Variants in AMDHD2 observed in about 807,000 individuals in gnomAD.
AMDHD2 encodes the protein N-acetylglucosamine-6-phosphate deacetylase.
AMDHD2 carries 24 observed loss-of-function variants against 41.8 expected under a neutral mutation model. That is an observed-to-expected ratio of 0.57 (90% CI 0.42 to 0.81). AMDHD2 has a LOEUF of 0.81. Among genes scored for constraint, AMDHD2 ranks in the 30% least tolerant of loss-of-function variants. The pLI, the probability that AMDHD2 is intolerant of heterozygous loss-of-function variation, is 0.00. For missense variants in AMDHD2, 540 were observed against 588.5 expected (o/e 0.92, Z 0.85); for synonymous variants, 332 against 255.5 (o/e 1.30, Z -2.85).
At chr16:2,525,926 G>A (rs1329893665) in intron 3 of AMDHD2, among the ~76,000 whole-genome samples, 2 of 152,084 alleles carry the variant, frequency 1.3e-5, no homozygotes, top group African/African-American at 4.8e-5. Flanking sequence ...TGATCTGCTC[G>A]CCTTGGCCTC....
chr16:2,529,319 A>T, intron 10 of AMDHD2, 156 bp from the exon 11 acceptor site: 1 of 1,266,532 alleles, frequency 7.9e-7, no homozygotes, highest in Non-Finnish European at 1.1e-6. Context: ...AGCATTGTCC[A>T]GTACCTCTGT....
At chr16:2,529,227 GC>G in intron 10 of AMDHD2, 132 bp downstream of exon 10, 1 of 1,092,576 alleles carries the variant, frequency 9.2e-7, no homozygotes, top group Non-Finnish European at 1.3e-6. Flanking sequence ...GCTGCCGGCT[GC>G]CAGCCTCAGT....
chr16:2,523,255 G>C (rs1265912087), intron 3 of AMDHD2, among the ~76,000 whole-genome samples: 2 of 152,190 alleles, frequency 1.3e-5, no homozygotes. Context: ...CTGTGTTCTA[G>C]TTCTGTCCAG....
intron 3 of AMDHD2, among the ~76,000 whole-genome samples, chr16:2,526,873 T>C (rs1199211594): frequency 2.0e-5 from 3 of 152,048 alleles, no homozygotes; most frequent in Non-Finnish European, 4.4e-5. Context: ...GAGGTTGCAG[T>C]GAGCCGAGAT....
rs1212914932 is a variant in AMDHD2, at chr16:2,529,933, A to G, written c.*370A>G. 3 of 900,310 alleles carry G rather than the reference A, an allele frequency of 3.3e-6. No homozygotes were observed. Among genetic ancestry groups the G allele is most frequent in the East Asian group, 2.7e-5 (1 of 36,546 alleles). 55.8% of individuals were successfully genotyped at this position (900,310 alleles called of 1,614,324 possible). A position where few individuals can be genotyped will look rare whatever the true frequency, so the allele number is the denominator to read the frequency against. On this transcript the variant is annotated 3_prime_UTR_variant, in exon 11 of 11. Transcript: ENST00000293971. ...CCAGGAAAGTGTCACTATGGGAGGG[A>G]GGGGCAGGCAGTCAGTGGCTGGTGC...
In AMDHD2 at chr16:2,530,924, T is replaced by C; in HGVS notation, c.*1361T>C. The C allele has an allele frequency of 1.9e-6, 3 of 1,613,200 alleles. No homozygotes were observed. The highest frequency in any genetic ancestry group is 1.7e-6 in the Non-Finnish European group (2 of 1,179,940). On this transcript the variant is annotated 3_prime_UTR_variant, in exon 11 of 11. Transcript: ENST00000293971. ...CCGCGCACCCCTTAGGAAGTGGCTG[T>C]CCAGCGCCTGCCTGTGCTGGGCCTG...
chr16:2,531,086 C>G lies in AMDHD2; in HGVS notation c.*1523C>G. On this transcript the variant is annotated 3_prime_UTR_variant, in exon 11 of 11. Coordinates refer to ENST00000293971, the MANE Select transcript of AMDHD2 (RefSeq NM_001330449.2). The stretch of plus-strand genomic sequence containing the variant: ...TTGATGTGCCCATCCTCAGCTAAAA[C>G]CCAGAGCTGGCATGTTGGTCATCCC... 1 of 1,574,626 alleles carries G rather than the reference C, an allele frequency of 6.4e-7. No individual in the cohort carries two copies. Among genetic ancestry groups the G allele is most frequent in the Non-Finnish European group, 8.6e-7 (1 of 1,156,246 alleles).
Position 2,531,042 on chromosome 16 carries a change from G to C in AMDHD2, c.*1479G>C, listed in dbSNP as rs547680075. 3.9e-5 allele frequency: 62 copies of C among 1,598,146 alleles called. 1 individual carries two copies. The South Asian group carries it at 5.5e-4, about 14-fold the overall frequency. On this transcript the variant is annotated 3_prime_UTR_variant, in exon 11 of 11. Transcript: ENST00000293971. ...AGAGGTTGAGCATCGCCTGTGCCCAGCTTGCTGGCTGTCAGTGCTTGATGT... is the reference window on the plus strand; with the variant it reads ...AGAGGTTGAGCATCGCCTGTGCCCACCTTGCTGGCTGTCAGTGCTTGATGT...
chr16:2,520,678 T>C, intron 1 of AMDHD2, 91 bp from the exon 2 acceptor site: 1 of 1,260,186 alleles, frequency 7.9e-7, no homozygotes. Context: ...CCGGGCGGGG[T>C]GCAGGGTGCG....
chr16:2,529,442 C>G (rs760362467), intron 10 of AMDHD2, 33 bp from the exon 11 acceptor site: 1 of 1,605,650 alleles, frequency 6.2e-7, no homozygotes, highest in Admixed American at 1.7e-5. Context: ...GGCCCCACTC[C>G]TGCCCCCTAC....
rs751265253 is a variant in AMDHD2 at position 2,530,734 on chromosome 16, AC to A, written c.*1173del. On this transcript the variant is annotated 3_prime_UTR_variant, in exon 11 of 11. Transcript: ENST00000293971. Reference sequence around the variant, plus strand: ...GGAAGGGAACAGCCAGGGAAGAACCACCTGCCTGGGCAGGGCCTCGCCTGAG... The same window carrying A: ...GGAAGGGAACAGCCAGGGAAGAACCACTGCCTGGGCAGGGCCTCGCCTGAG... The A allele has an allele frequency of 7.6e-5, 122 of 1,613,736 alleles. No homozygotes were observed. The highest frequency in any genetic ancestry group is 9.5e-5 in the Non-Finnish European group (112 of 1,179,984).
chr16:2,527,939 C>G lies in AMDHD2; in HGVS notation c.582C>G (p.His194Gln). ...TGGCCCCAGAGTTGGGCCGTAGCCACGAAGTGATCCGGGCGCTGACGGCCC... is the reference window on the plus strand; with the variant it reads ...TGGCCCCAGAGTTGGGCCGTAGCCAGGAAGTGATCCGGGCGCTGACGGCCC... ...VTLAPELGRS[H>Q]EVIRALTARG... Residue 194 changes from histidine to glutamine, a missense_variant, in exon 5 of 11, where the codon CAC becomes CAG. Coordinates refer to ENST00000293971, the MANE Select transcript of AMDHD2 (RefSeq NM_001330449.2). This position sits in a 1 kb window ranked among gnomAD's most constrained non-coding sequence, Gnocchi z 6.1. 1 of 1,599,972 alleles carries G rather than the reference C, an allele frequency of 6.3e-7. No homozygotes were observed. Among genetic ancestry groups the G allele is most frequent in the Non-Finnish European group, 8.5e-7 (1 of 1,178,944 alleles).
intron 3 of AMDHD2, among the ~76,000 whole-genome samples, chr16:2,521,737 A>G (rs1194157430): frequency 1.4e-5 from 2 of 139,132 alleles, no homozygotes; most frequent in African/African-American, 2.7e-5. Context: ...TTACTGAACT[A>G]TTTGAGAGTA....
chr16:2,529,722 C>T lies in AMDHD2; in HGVS notation c.*159C>T. 6.9e-7 allele frequency: 1 copy of T among 1,456,762 alleles called. No homozygotes were observed. Among genetic ancestry groups the T allele is most frequent in the Non-Finnish European group, 9.0e-7 (1 of 1,105,412 alleles). 90.2% of individuals were successfully genotyped at this position (1,456,762 alleles called of 1,614,324 possible). The stretch of plus-strand genomic sequence containing the variant: ...AGGCGGTGGCTGGGATAAACGTGCA[C>T]CCAGCAGGACTCGCCTTGGCTCCGG... On this transcript the variant is annotated 3_prime_UTR_variant, in exon 11 of 11. Coordinates refer to ENST00000293971, the MANE Select transcript of AMDHD2 (RefSeq NM_001330449.2).
chr16:2,523,339 C>T (rs1239837879), intron 3 of AMDHD2, among the ~76,000 whole-genome samples: 1 of 152,084 alleles, frequency 6.6e-6, no homozygotes, highest in Non-Finnish European at 1.5e-5. Context: ...CCAAGGGGTC[C>T]CTCTCTTGGT....
intron 3 of AMDHD2, among the ~76,000 whole-genome samples, chr16:2,522,784 G>A (rs1420385608): frequency 6.6e-6 from 1 of 151,994 alleles, no homozygotes; most frequent in Non-Finnish European, 1.5e-5. Context: ...ATAGTGCTGG[G>A]ATTATAGGCG....
rs893784153 is a variant in AMDHD2, at chr16:2,530,808, C to T, written c.*1245C>T. On this transcript the variant is annotated 3_prime_UTR_variant, in exon 11 of 11. Coordinates refer to ENST00000293971, the MANE Select transcript of AMDHD2 (RefSeq NM_001330449.2). ...AGGGGTTGATCTCAGCCCACAAGCCCCAGGGGCAGCCCAGGAAAGCAGGCG... is the reference window on the plus strand; with the variant it reads ...AGGGGTTGATCTCAGCCCACAAGCCTCAGGGGCAGCCCAGGAAAGCAGGCG... 10 of 1,613,636 alleles carry T rather than the reference C, an allele frequency of 6.2e-6. No individual in the cohort carries two copies. The East Asian group carries it at 2.0e-4, about 32-fold the overall frequency.
chr16:2,525,543 TTTTA>T (rs1361293615), intron 3 of AMDHD2, among the ~76,000 whole-genome samples: 4 of 151,372 alleles, frequency 2.6e-5, no homozygotes, highest in African/African-American at 4.9e-5. Context: ...ATTTATTTAT[TTTTA>T]TTTATTTATT....
rs1384401543 is a variant in AMDHD2, at chr16:2,527,573, AT to A, written c.374del (p.Ile125ThrfsTer3). ...PEVYHKVVPQ[I>X]PVKSGGPHGA... Reference sequence around the variant, plus strand: ...TGGTTCCCCCCAGGTTGTTCCTCAGATCCCTGTGAAGAGTGGTGGTCCCCAT... The same window carrying A: ...TGGTTCCCCCCAGGTTGTTCCTCAGACCCTGTGAAGAGTGGTGGTCCCCAT... On this transcript the variant is annotated frameshift_variant, in exon 4 of 11. Coordinates refer to ENST00000293971, the MANE Select transcript of AMDHD2 (RefSeq NM_001330449.2). LOFTEE classifies it high-confidence loss of function. This position sits in a 1 kb window ranked among gnomAD's most constrained non-coding sequence, Gnocchi z 6.1. The A allele has an allele frequency of 1.9e-6, 3 of 1,612,974 alleles. No homozygotes were observed. Among genetic ancestry groups the A allele is most frequent in the Non-Finnish European group, 2.5e-6 (3 of 1,179,630 alleles).
Sources: allele counts gnomAD v4.1 joint callset (sites outside exome capture counted in the v4.1 genomes callset), GRCh38; gene constraint gnomAD v4.1.1; non-coding constraint Gnocchi (gnomAD v3.1); transcripts MANE v1.5; gene names NCBI Gene and HGNC (gene_info 2026-07-23, HGNC 2026-07-21).